DRC8: variants seen among roughly 807,000 people sequenced by gnomAD.
DRC8 encodes dynein regulatory complex protein 8.
At chr1:245,030,873 G>A in the DRC8 span, 1 of 152,250 alleles carries the variant, frequency 6.6e-6, no homozygotes, top group African/African-American at 2.4e-5. Flanking sequence ...ATATTCAGTA[G>A]TGTGTGCCTT....
chr1:245,115,928 C>G, the DRC8 span, among the ~76,000 whole-genome samples: 1 of 150,768 alleles, frequency 6.6e-6, no homozygotes, highest in Non-Finnish European at 1.5e-5. Flanking sequence ...ACTCTGTCGC[C>G]TAGGCTGGAG....
the DRC8 span, among the ~76,000 whole-genome samples, chr1:245,101,841 G>A: frequency 6.6e-6 from 1 of 152,110 alleles, no homozygotes; most frequent in East Asian, 1.9e-4. Context: ...GATGTTCACA[G>A]TATCCCATTT....
At chr1:245,012,285 C>T in the DRC8 span, among the ~76,000 whole-genome samples, 1 of 151,650 alleles carries the variant, frequency 6.6e-6, no homozygotes, top group Non-Finnish European at 1.5e-5. Flanking sequence ...AAACAAAAGT[C>T]AGCATTATAC....
At chr1:245,015,800 C>T in the DRC8 span, 1 of 225,134 alleles carries the variant, frequency 4.4e-6, no homozygotes, top group East Asian at 1.5e-4. Flanking sequence ...ACATCTCTCA[C>T]CTGGAGTATT....
At chr1:245,107,079 T>C in the DRC8 span, 1 of 152,098 alleles carries the variant, frequency 6.6e-6, no homozygotes, top group East Asian at 1.9e-4. Flanking sequence ...CAAAAAGGAA[T>C]TCATATGACA....
At chr1:245,039,552 A>G in the DRC8 span, among the ~76,000 whole-genome samples, 1 of 152,046 alleles carries the variant, frequency 6.6e-6, no homozygotes, top group African/African-American at 2.4e-5. Flanking sequence ...ATCAAAACCA[A>G]TAAATTAACG....
chr1:245,087,267 A>T, the DRC8 span: 1 of 1,610,104 alleles, frequency 6.2e-7, no homozygotes, highest in East Asian at 2.2e-5. Flanking sequence ...CTCAAGAGGA[A>T]ATGGAAGAAA....
At chr1:245,081,532 G>A in the DRC8 span, among the ~76,000 whole-genome samples, 7 of 151,894 alleles carry the variant, frequency 4.6e-5, no homozygotes, top group East Asian at 1.9e-4. Flanking sequence ...ACAGTGGTGC[G>A]ATCTCGGCTC....
At chr1:244,982,688 G>GA in the DRC8 span, among the ~76,000 whole-genome samples, 604 of 151,972 alleles carry the variant, frequency 4.0e-3, 5 homozygotes, top group African/African-American at 0.013. Flanking sequence ...AGAAAAGAAT[G>GA]AAAAAACAAC....
At chr1:245,010,973 G>A in the DRC8 span, among the ~76,000 whole-genome samples, 7,459 of 152,050 alleles carry the variant, frequency 0.049, 272 homozygotes, top group Non-Finnish European at 0.077. Context: ...GAGCCACCGC[G>A]CCCAGCCTTG....
the DRC8 span, among the ~76,000 whole-genome samples, chr1:245,039,056 C>A: frequency 6.9e-6 from 1 of 143,924 alleles, no homozygotes; most frequent in African/African-American, 2.6e-5. Flanking sequence ...ATCTAGTATG[C>A]CATTATTTTG....
the DRC8 span, among the ~76,000 whole-genome samples, chr1:245,099,761 A>C: frequency 6.6e-6 from 1 of 152,234 alleles, no homozygotes; most frequent in Non-Finnish European, 1.5e-5. Flanking sequence ...GGAAAAAACA[A>C]AAAATAGTAA....
At chr1:245,034,773 A>G in the DRC8 span, among the ~76,000 whole-genome samples, 1 of 152,062 alleles carries the variant, frequency 6.6e-6, no homozygotes, top group Non-Finnish European at 1.5e-5. Flanking sequence ...GTAAACTGAA[A>G]GAAAGCAGAA....
the DRC8 span, among the ~76,000 whole-genome samples, chr1:245,113,778 T>C: frequency 6.6e-6 from 1 of 152,160 alleles, no homozygotes; most frequent in African/African-American, 2.4e-5. Flanking sequence ...TTATCTCATT[T>C]AATCCCACCA....
At chr1:244,985,648 G>A in the DRC8 span, among the ~76,000 whole-genome samples, 1 of 152,066 alleles carries the variant, frequency 6.6e-6, no homozygotes, top group Non-Finnish European at 1.5e-5. Flanking sequence ...CAGATCACTC[G>A]AGGCCAGGAG....
At chr1:245,097,100 C>G in the DRC8 span, among the ~76,000 whole-genome samples, 1 of 151,962 alleles carries the variant, frequency 6.6e-6, no homozygotes, top group Non-Finnish European at 1.5e-5. The surrounding 1 kb of genome is among the most constrained non-coding windows in gnomAD (Gnocchi z 5.0). Context: ...ATAGGATGTC[C>G]GGGAGTAGGG....
chr1:245,009,317 G>A, the DRC8 span, among the ~76,000 whole-genome samples: 259 of 152,046 alleles, frequency 1.7e-3, no homozygotes, highest in Non-Finnish European at 3.0e-3. Context: ...ACAGGCATAA[G>A]CCACTGTGCC....
At chr1:244,970,651 GC>G in the DRC8 span, 2 of 40,202 alleles carry the variant, frequency 5.0e-5, no homozygotes, top group Admixed American at 5.0e-4. Flanking sequence ...GCCCCGCCCC[GC>G]CCCGCCTCTC....
chr1:245,118,106 C>T, the DRC8 span, among the ~76,000 whole-genome samples: 2 of 152,138 alleles, frequency 1.3e-5, no homozygotes, highest in African/African-American at 4.8e-5. Flanking sequence ...ACGTGATGGG[C>T]CTGCCCTGTC....
Sources: gnomAD v4.1 joint callset for allele counts (sites outside exome capture counted in the v4.1 genomes callset) on GRCh38, gnomAD v4.1.1 for gene constraint, Gnocchi (gnomAD v3.1) non-coding constraint, MANE v1.5 for transcripts, NCBI Gene and HGNC (gene_info 2026-07-23, HGNC 2026-07-21) for gene names.